SLC22A23: variants seen among roughly 807,000 people sequenced by gnomAD.
SLC22A23 encodes solute carrier family 22 member 23.
SLC22A23 carries 26 observed loss-of-function variants against 61.0 expected under a neutral mutation model. The observed-to-expected ratio is 0.43, with a 90% CI of 0.31 to 0.59. The LOEUF (loss-of-function observed/expected upper bound fraction) is 0.59, where lower values mean the gene tolerates loss of function less well. Ranked by LOEUF, SLC22A23 falls within the 20% of genes least tolerant of loss-of-function variation. The pLI is 0.11. For missense variants in SLC22A23, 796 were observed against 934.7 expected (o/e 0.85, Z 1.94); for synonymous variants, 430 against 413.9 (o/e 1.04, Z -0.47).
chr6:3,405,928 G>C (rs1350338032), intron 3 of SLC22A23, among the ~76,000 whole-genome samples: 1 of 152,174 alleles, frequency 6.6e-6, no homozygotes, highest in African/African-American at 2.4e-5. Context: ...ATTCCTGGTT[G>C]CTCCTTGATC....
chr6:3,359,856 T>C (rs1439202255), intron 3 of SLC22A23, among the ~76,000 whole-genome samples: 1 of 152,198 alleles, frequency 6.6e-6, no homozygotes, highest in Non-Finnish European at 1.5e-5. Context: ...GGATGAAATA[T>C]AACTCAGCCT....
intron 3 of SLC22A23, among the ~76,000 whole-genome samples, chr6:3,336,302 T>C (rs1394714062): frequency 6.6e-6 from 1 of 152,216 alleles, no homozygotes; most frequent in Non-Finnish European, 1.5e-5. Flanking sequence ...ACGCCCACAT[T>C]GTTCTCACCT....
chr6:3,275,423 A>G lies in SLC22A23; in HGVS notation c.1704-2011T>C, dbSNP rs561464839. On this transcript the variant is annotated intron_variant, in intron 9 of 9. Coordinates refer to ENST00000406686, the MANE Select transcript of SLC22A23 (RefSeq NM_015482.2). ...TGGGTTAGGCAAAGATTTCTTACAC[A>G]TAACATCAAAAGTAGGATCCATAAA... Among the ~76,000 whole-genome samples, 6 of 152,368 alleles carry G rather than the reference A, an allele frequency of 3.9e-5. No individual in the cohort carries two copies. The East Asian group carries it at 1.2e-3, about 29-fold the overall frequency.
In SLC22A23 at chr6:3,390,629, C is replaced by T. The variant is rs1767603265; in HGVS notation, c.913+19559G>A. 6.6e-6 allele frequency among the ~76,000 whole-genome samples: 1 copy of T among 152,196 alleles called. No homozygotes were observed. Among genetic ancestry groups the T allele is most frequent in the Non-Finnish European group, 1.5e-5 (1 of 68,032 alleles). On this transcript the variant is annotated intron_variant, in intron 3 of 9. Transcript: ENST00000406686. This position sits in a 1 kb window ranked among gnomAD's most constrained non-coding sequence, Gnocchi z 4.0. Reference sequence around the variant, plus strand: ...ATAACCTAATGCAGAGATGTACACACTGGGGCCACTATGGTTCTATTTCAC... The same window carrying T: ...ATAACCTAATGCAGAGATGTACACATTGGGGCCACTATGGTTCTATTTCAC...
At position 3,304,753 on chromosome 6, in the gene SLC22A23, C is replaced by G. The variant is rs1761854232; in HGVS notation, c.1083-6535G>C. Among the ~76,000 whole-genome samples, 1 of 152,032 alleles carries G rather than the reference C, an allele frequency of 6.6e-6. No homozygotes were observed. Among genetic ancestry groups the G allele is most frequent in the South Asian group, 2.1e-4 (1 of 4,818 alleles). On this transcript the variant is annotated intron_variant, in intron 4 of 9. Coordinates refer to ENST00000406686, the MANE Select transcript of SLC22A23 (RefSeq NM_015482.2). This position sits in a 1 kb window ranked among gnomAD's most constrained non-coding sequence, Gnocchi z 4.3. ...GCAGCTGCAGGGCAGGCCCTGTATC[C>G]CCTCGTACTGCTGGAGGTGTGTGGG...
At chr6:3,326,242 G>A (rs1763273538) in intron 3 of SLC22A23, among the ~76,000 whole-genome samples, 1 of 152,192 alleles carries the variant, frequency 6.6e-6, no homozygotes, top group Non-Finnish European at 1.5e-5. Context: ...TTATTAAATG[G>A]TCATAGCTTT....
At chr6:3,428,801 A>C (rs9405202) in intron 1 of SLC22A23, among the ~76,000 whole-genome samples, 1 of 152,138 alleles carries the variant, frequency 6.6e-6, no homozygotes, top group South Asian at 2.1e-4. Flanking sequence ...TTTTGAAGGC[A>C]GCATGCCTAA....
rs779774689 is a variant in SLC22A23, at chr6:3,324,016, C to T, written c.914-14G>A. On this transcript the variant is annotated splice_polypyrimidine_tract_variant and intron_variant, in intron 3 of 9. Coordinates refer to ENST00000406686, the MANE Select transcript of SLC22A23 (RefSeq NM_015482.2). The surrounding 1 kb of genome is among the most constrained non-coding windows in gnomAD (Gnocchi z 4.3). Reference sequence around the variant, plus strand: ...ACAGCTCTATTCCTAGAACACAGAACCAATGAGAGAGAGATGAGTGCCCTG... The same window carrying T: ...ACAGCTCTATTCCTAGAACACAGAATCAATGAGAGAGAGATGAGTGCCCTG... 2 of 1,612,300 alleles carry T rather than the reference C, an allele frequency of 1.2e-6. No individual in the cohort carries two copies. The highest frequency in any genetic ancestry group is 1.1e-5 in the South Asian group (1 of 90,940).
intron 4 of SLC22A23, among the ~76,000 whole-genome samples, chr6:3,298,889 G>A (rs866095736): frequency 1.5e-4 from 23 of 150,190 alleles, no homozygotes; most frequent in South Asian, 6.3e-4. Context: ...GGAGAATGGT[G>A]TGAACCCGGG....
chr6:3,324,475 T>C lies in SLC22A23; in HGVS notation c.914-473A>G, dbSNP rs559633621. On this transcript the variant is annotated intron_variant, in intron 3 of 9. Coordinates refer to ENST00000406686, the MANE Select transcript of SLC22A23 (RefSeq NM_015482.2). This position sits in a 1 kb window ranked among gnomAD's most constrained non-coding sequence, Gnocchi z 4.3. ...ATGCCCATATACTCACTCCTACCCA[T>C]ATGCACCACCCACCCCTTCTTCTGG... Among the ~76,000 whole-genome samples, 8 of 152,144 alleles carry C rather than the reference T, an allele frequency of 5.3e-5. No homozygotes were observed. Among genetic ancestry groups the C allele is most frequent in the Admixed American group, 4.6e-4 (7 of 15,280 alleles).
intron 6 of SLC22A23, 84 bp downstream of exon 6, chr6:3,289,680 G>T (rs556876458): frequency 9.0e-7 from 1 of 1,107,782 alleles, no homozygotes; most frequent in Admixed American, 2.1e-5. Context: ...AGCGGGGTGG[G>T]GAGCAGGGCC....
intron 7 of SLC22A23, 24 bp from the exon 8 acceptor site, chr6:3,285,135 C>G (rs2127314904): frequency 1.2e-6 from 2 of 1,612,926 alleles, no homozygotes; most frequent in East Asian, 2.2e-5. Context: ...CATGATCGCA[C>G]CCACACGGAC....
chr6:3,377,407 G>T (rs1215217033), intron 3 of SLC22A23, among the ~76,000 whole-genome samples: 1 of 152,180 alleles, frequency 6.6e-6, no homozygotes, highest in Non-Finnish European at 1.5e-5. Flanking sequence ...GCAGTGGGAT[G>T]AATGCTAAGA....
At chr6:3,301,144 T>G (rs1357052223) in intron 4 of SLC22A23, among the ~76,000 whole-genome samples, 1 of 152,204 alleles carries the variant, frequency 6.6e-6, no homozygotes, top group African/African-American at 2.4e-5. Flanking sequence ...TCAGATCTTT[T>G]CTTTATAATA....
chr6:3,440,530 A>ACC (rs1771521654), intron 1 of SLC22A23, among the ~76,000 whole-genome samples: 1 of 151,762 alleles, frequency 6.6e-6, no homozygotes, highest in Admixed American at 6.6e-5. Flanking sequence ...AGATGGTGAA[A>ACC]CCCCATCTCT....
In SLC22A23 at chr6:3,369,034, T is replaced by G. The variant is rs74802457; in HGVS notation, c.913+41154A>C. Among the ~76,000 whole-genome samples the G allele has an allele frequency of 3.5e-3, 526 of 151,062 alleles. 3 individuals are homozygous for G. Among genetic ancestry groups the G allele is most frequent in the South Asian group, 0.019 (89 of 4,736 alleles). Reference sequence around the variant, plus strand: ...TTTTTAACCTAATTCTGACTGTCACTATTGTGTGAGGTTTACTTTTTTTTT... The same window carrying G: ...TTTTTAACCTAATTCTGACTGTCACGATTGTGTGAGGTTTACTTTTTTTTT... On this transcript the variant is annotated intron_variant, in intron 3 of 9. Transcript: ENST00000406686.
At chr6:3,371,381 T>C (rs552497287) in intron 3 of SLC22A23, among the ~76,000 whole-genome samples, 6 of 152,268 alleles carry the variant, frequency 3.9e-5, no homozygotes, top group South Asian at 4.1e-4. Flanking sequence ...TTTGTGGACA[T>C]TGAAATGGAA....
At chr6:3,453,277 G>A (rs2127560752) in intron 1 of SLC22A23, among the ~76,000 whole-genome samples, 1 of 152,244 alleles carries the variant, frequency 6.6e-6, no homozygotes, top group South Asian at 2.1e-4. Context: ...AGGAGCAAGT[G>A]GCACAAATAG....
rs1414992120 is a variant in SLC22A23, at chr6:3,304,833, G to C, written c.1083-6615C>G. On this transcript the variant is annotated intron_variant, in intron 4 of 9. Transcript: ENST00000406686. The surrounding 1 kb of genome is among the most constrained non-coding windows in gnomAD (Gnocchi z 4.3). ...TGGGACGGTGCATTTGTTGTGTTCA[G>C]AGAGCTGCAAGCTGATAAACCCGAA... Among the ~76,000 whole-genome samples the C allele has an allele frequency of 6.6e-6, 1 of 152,164 alleles. No individual in the cohort carries two copies. The highest frequency in any genetic ancestry group is 2.4e-5 in the African/African-American group (1 of 41,432).
Sources: gnomAD v4.1 joint callset for allele counts (sites outside exome capture counted in the v4.1 genomes callset) on GRCh38, gnomAD v4.1.1 for gene constraint, Gnocchi (gnomAD v3.1) non-coding constraint, MANE v1.5 for transcripts, NCBI Gene and HGNC (gene_info 2026-07-23, HGNC 2026-07-21) for gene names.